The following CYP4X1 variants were observed in gnomAD, a reference collection of about 807,000 sequenced individuals.
CYP4X1 encodes cytochrome P450 4X1.
CYP4X1 carries 44 observed loss-of-function variants against 57.9 expected under a neutral mutation model. The observed-to-expected ratio is 0.76, with a 90% CI of 0.60 to 0.98. The LOEUF (loss-of-function observed/expected upper bound fraction) is 0.98, where lower values mean the gene tolerates loss of function less well. Ranked by LOEUF, CYP4X1 falls within the 50% of genes least tolerant of loss-of-function variation. The pLI is 0.00. For missense variants in CYP4X1, 532 were observed against 623.9 expected, an observed-to-expected ratio of 0.85 and a Z score of 1.57; for synonymous variants, 227 against 228.6, an observed-to-expected ratio of 0.99 and a Z score of 0.06.
chr1:46,965,490 G>A, the CYP4X1 span, among the ~76,000 whole-genome samples: 2 of 152,196 alleles, frequency 1.3e-5, no homozygotes, highest in Non-Finnish European at 2.9e-5. Flanking sequence ...GCTGCAGTTT[G>A]CTGGCAGTGC....
chr1:47,038,866 T>G, intron 7 of CYP4X1, 100 bp downstream of exon 7: 1 of 846,564 alleles, frequency 1.2e-6, no homozygotes, highest in East Asian at 2.8e-5. Context: ...TAAAACCGAT[T>G]GACTAAATTT....
chr1:47,023,104 C>A (rs1485244653), upstream of CYP4X1, among the ~76,000 whole-genome samples: 1 of 152,214 alleles, frequency 6.6e-6, no homozygotes, highest in Non-Finnish European at 1.5e-5. Flanking sequence ...GGTCTGTCAT[C>A]TTAGAATTGT....
chr1:47,040,316 G>T (rs1644231499), intron 8 of CYP4X1, among the ~76,000 whole-genome samples: 3 of 152,136 alleles, frequency 2.0e-5, no homozygotes, highest in Admixed American at 2.0e-4. Context: ...TCTCTATCTT[G>T]CTAGACTTTA....
At chr1:47,044,309 A>C (rs1644277740) in intron 8 of CYP4X1, among the ~76,000 whole-genome samples, 1 of 152,132 alleles carries the variant, frequency 6.6e-6, no homozygotes, top group Non-Finnish European at 1.5e-5. Context: ...CATAGTTATA[A>C]AAGGCTATTT....
At chr1:47,037,538 G>C (rs955222543) in intron 6 of CYP4X1, among the ~76,000 whole-genome samples, 1 of 151,730 alleles carries the variant, frequency 6.6e-6, no homozygotes, top group African/African-American at 2.4e-5. Flanking sequence ...TCTATTCCAG[G>C]GTTTCTCAAC....
chr1:46,974,183 T>C, the CYP4X1 span, among the ~76,000 whole-genome samples: 1 of 152,196 alleles, frequency 6.6e-6, no homozygotes, highest in Non-Finnish European at 1.5e-5. Context: ...TACCCAAATG[T>C]TATTCAGAAG....
In CYP4X1 at chr1:47,036,063, A is replaced by G. The variant is rs1644177393; in HGVS notation, c.667A>G (p.Ile223Val). 1 of 1,613,714 alleles carries G rather than the reference A, an allele frequency of 6.2e-7. No homozygotes were observed. Among genetic ancestry groups the G allele is most frequent in the Non-Finnish European group, 8.5e-7 (1 of 1,179,726 alleles). Reference sequence around the variant, plus strand: ...AGCCATATTTGAACTCAGCAAAATCATATTTCACCGCTTGTACAGTTTGTT... The same window carrying G: ...AGCCATATTTGAACTCAGCAAAATCGTATTTCACCGCTTGTACAGTTTGTT... ...AKAIFELSKIIFHRLYSLLYH... is the reference protein window; with the variant it reads ...AKAIFELSKIVFHRLYSLLYH... Residue 223 changes from isoleucine to valine, a missense_variant, in exon 6 of 12, where the codon ATA (isoleucine) becomes GTA (valine). Physicochemically the swap from Ile to Val is conservative, Grantham distance 29. Transcript: ENST00000371901.
At chr1:47,012,101 C>G in the CYP4X1 span, among the ~76,000 whole-genome samples, 1 of 152,214 alleles carries the variant, frequency 6.6e-6, no homozygotes, top group Non-Finnish European at 1.5e-5. Context: ...TATAAAGACA[C>G]ATGCACATGT....
downstream of CYP4X1, among the ~76,000 whole-genome samples, chr1:47,053,522 A>G (rs575120826): frequency 6.3e-4 from 95 of 152,000 alleles, 1 homozygote; most frequent in Admixed American, 6.2e-3. Context: ...GAACTAGTTT[A>G]CCCTCCCACC....
At chr1:46,998,384 A>G in the CYP4X1 span, among the ~76,000 whole-genome samples, 1 of 152,156 alleles carries the variant, frequency 6.6e-6, no homozygotes, top group Non-Finnish European at 1.5e-5. Flanking sequence ...TGTGTTGCCT[A>G]GGCTGGTCTC....
At chr1:46,981,190 C>A in the CYP4X1 span, among the ~76,000 whole-genome samples, 2 of 152,100 alleles carry the variant, frequency 1.3e-5, no homozygotes, top group Non-Finnish European at 2.9e-5. Context: ...TCAGAGTGAA[C>A]AGGCCACCTA....
At chr1:46,992,312 A>G in the CYP4X1 span, among the ~76,000 whole-genome samples, 1 of 152,362 alleles carries the variant, frequency 6.6e-6, no homozygotes, top group Non-Finnish European at 1.5e-5. Flanking sequence ...AATGGCTTTA[A>G]TGAAATTCAT....
At chr1:47,034,333 G>C (rs1222743915) in intron 4 of CYP4X1, among the ~76,000 whole-genome samples, 2 of 152,094 alleles carry the variant, frequency 1.3e-5, no homozygotes, top group African/African-American at 4.8e-5. Flanking sequence ...CCTTTCAAAG[G>C]GGCTGAAGAA....
chr1:47,011,740 T>G, the CYP4X1 span, among the ~76,000 whole-genome samples: 15 of 152,130 alleles, frequency 9.9e-5, no homozygotes, highest in East Asian at 2.7e-3. Context: ...CATCAAAAAG[T>G]GGACAAAGGA....
the CYP4X1 span, among the ~76,000 whole-genome samples, chr1:46,980,105 T>C: frequency 6.6e-6 from 1 of 152,110 alleles, no homozygotes; most frequent in Admixed American, 6.5e-5. Context: ...CTATTCAACA[T>C]AGTGTTGGAA....
At position 47,033,257 on chromosome 1, in the gene CYP4X1, T is replaced by A. The variant is rs114995418; in HGVS notation, c.381T>A (p.Ala127=). 2.5e-6 allele frequency: 4 copies of A among 1,613,588 alleles called. No homozygotes were observed. The highest frequency in any genetic ancestry group is 3.4e-6 in the Non-Finnish European group (4 of 1,179,810). The change falls in exon 4 of 12, where the codon GCT becomes GCA. Residue 127 remains alanine (A), a synonymous_variant. Coordinates refer to ENST00000371901, the MANE Select transcript of CYP4X1 (RefSeq NM_178033.2). ...TTTCTCAAGGAAAAGGACTAGCGGC[T>A]CTAGACGGACCCAAGTGGTTCCAGC... ...SPPLLGKGLA[A]LDGPKWFQHR...
chr1:47,007,768 C>T, the CYP4X1 span, among the ~76,000 whole-genome samples: 1 of 152,160 alleles, frequency 6.6e-6, no homozygotes, highest in Non-Finnish European at 1.5e-5. Flanking sequence ...GGCACGAGAA[C>T]TACGTGATGA....
the CYP4X1 span, among the ~76,000 whole-genome samples, chr1:46,977,327 A>C: frequency 6.6e-6 from 1 of 152,192 alleles, no homozygotes; most frequent in Non-Finnish European, 1.5e-5. Context: ...TATGTGATAC[A>C]TGCACAAGCT....
At chr1:47,051,362 G>A (rs1337979028), downstream of CYP4X1, among the ~76,000 whole-genome samples, 6 of 144,648 alleles carry the variant, frequency 4.1e-5, no homozygotes, top group Non-Finnish European at 9.0e-5. Context: ...CTGGGCGACA[G>A]AGCGAGACTC....
Sources: gnomAD v4.1 joint callset for allele counts (sites outside exome capture counted in the v4.1 genomes callset) on GRCh38, gnomAD v4.1.1 for gene constraint, MANE v1.5 for transcripts, NCBI Gene and HGNC (gene_info 2026-07-23, HGNC 2026-07-21) for gene names.